The following SPATC1 variants were observed in gnomAD, a reference collection of about 807,000 sequenced individuals.
SPATC1 encodes speriolin.
Under a neutral mutation model 36.5 loss-of-function variants are expected in SPATC1, and 35 were observed. That is an observed-to-expected ratio of 0.96 (90% CI 0.73 to 1.27). The LOEUF is 1.27. Among genes scored for constraint, SPATC1 ranks in the 50% most tolerant of loss-of-function variants. The pLI is 0.00. For synonymous variants in SPATC1, 361 were observed against 353.6 expected (o/e 1.02, Z -0.24); for missense variants, 779 against 796.0 (o/e 0.98, Z 0.26).
At chr8:144,011,766 G>C (rs563132095), upstream of SPATC1, among the ~76,000 whole-genome samples, 1 of 152,194 alleles carries the variant, frequency 6.6e-6, no homozygotes, top group Non-Finnish European at 1.5e-5. The surrounding 1 kb of genome is among the most constrained non-coding windows in gnomAD (Gnocchi z 4.5). Flanking sequence ...AGGCAACGAC[G>C]GGAGATTTGG....
At chr8:144,024,298 T>A (rs1834626641) in intron 1 of SPATC1, among the ~76,000 whole-genome samples, 2 of 143,404 alleles carry the variant, frequency 1.4e-5, no homozygotes, top group African/African-American at 5.3e-5. Context: ...CAAGACCCTC[T>A]TCCCTCATAA....
intron 1 of SPATC1, among the ~76,000 whole-genome samples, chr8:144,014,180 G>A (rs1834334338): frequency 6.6e-6 from 1 of 152,142 alleles, no homozygotes; most frequent in Admixed American, 6.6e-5. Context: ...TGAACTGGGA[G>A]GCAGAGGTTG....
intron 1 of SPATC1, 80 bp from the exon 2 acceptor site, chr8:144,039,829 C>A: frequency 6.9e-7 from 1 of 1,449,264 alleles, no homozygotes; most frequent in Non-Finnish European, 9.5e-7. Flanking sequence ...GGCCCTACCA[C>A]AGTGACAGAG....
At chr8:144,036,161 T>C (rs1834894363) in intron 1 of SPATC1, among the ~76,000 whole-genome samples, 1 of 152,108 alleles carries the variant, frequency 6.6e-6, no homozygotes. Context: ...TATAATCTCA[T>C]CATTTTAGGA....
At chr8:144,028,248 CTA>C (rs1834724619) in intron 1 of SPATC1, among the ~76,000 whole-genome samples, 1 of 152,034 alleles carries the variant, frequency 6.6e-6, no homozygotes, top group Admixed American at 6.5e-5. Context: ...GCAAAAGAAA[CTA>C]TCATCAGAGC....
chr8:144,026,092 C>T (rs1834671493), intron 1 of SPATC1, among the ~76,000 whole-genome samples: 2 of 152,110 alleles, frequency 1.3e-5, no homozygotes, highest in Admixed American at 6.5e-5. Context: ...CACCCCTACC[C>T]TCTCACCACC....
Position 144,023,805 on chromosome 8 carries a change from C to T in SPATC1, c.211+11079C>T, listed in dbSNP as rs1587498329. ...CTCTTCCCTCAGAACCCTCTAGAAC[C>T]CTGTCCCTGTCCCCTCAGGACCTCC... is the stretch of plus-strand genomic sequence containing the variant. On this transcript the variant is annotated intron_variant, in intron 1 of 4. Transcript: ENST00000377470. 4.0e-4 allele frequency among the ~76,000 whole-genome samples: 46 copies of T among 116,374 alleles called. 22 individuals carry two copies. Among genetic ancestry groups the T allele is most frequent in the Admixed American group, 6.8e-4 (8 of 11,696 alleles). The allele number at this position is 116,374 out of a possible 152,430, so 76.3% of individuals were successfully genotyped here. A position where few individuals can be genotyped will look rare whatever the true frequency, so the allele number is the denominator to read the frequency against.
Position 144,046,655 on chromosome 8 carries a change from T to A in SPATC1, c.1475T>A (p.Leu492Gln). The A allele has an allele frequency of 6.2e-7, 1 of 1,611,246 alleles. No homozygotes were observed. Among genetic ancestry groups the A allele is most frequent in the South Asian group, 1.1e-5 (1 of 91,054 alleles). Residue 492 changes from leucine (L) to glutamine (Q), a missense_variant, in exon 5 of 5, where the codon CTG becomes CAG. Leu to Gln is a moderately radical substitution (Grantham distance 113, BLOSUM62 -2). Coordinates refer to ENST00000377470, the MANE Select transcript of SPATC1 (RefSeq NM_198572.3). This position sits in a 1 kb window ranked among gnomAD's most constrained non-coding sequence, Gnocchi z 6.6. ...TCCCTGAACCCCAGTGACCACAAGC[T>A]GGATGAGAAGCTGTGCCAGAGGCTC... ...QASLNPSDHK[L>Q]DEKLCQRLTQ...
At chr8:144,018,189 G>T (rs1158644799) in intron 1 of SPATC1, among the ~76,000 whole-genome samples, 42 of 152,306 alleles carry the variant, frequency 2.8e-4, no homozygotes, top group Admixed American at 7.2e-4. Flanking sequence ...CAAGGTAAAG[G>T]CTGCCAAGAG....
At chr8:144,029,883 A>G (rs1426326309) in intron 1 of SPATC1, among the ~76,000 whole-genome samples, 1 of 152,196 alleles carries the variant, frequency 6.6e-6, no homozygotes, top group Admixed American at 6.5e-5. Flanking sequence ...GGTTCTATCC[A>G]CTACCGAAAG....
At chr8:144,035,250 TC>T (rs1251869323) in intron 1 of SPATC1, among the ~76,000 whole-genome samples, 2 of 152,198 alleles carry the variant, frequency 1.3e-5, no homozygotes, top group Non-Finnish European at 2.9e-5. Context: ...TACTTGGCCT[TC>T]CCTGGAGCCC....
intron 1 of SPATC1, among the ~76,000 whole-genome samples, chr8:144,026,048 C>T (rs1834670112): frequency 6.6e-6 from 1 of 152,090 alleles, no homozygotes; most frequent in African/African-American, 2.4e-5. Context: ...ACTTTCATCA[C>T]CCCAAAAAGA....
At chr8:144,030,778 TC>T (rs1834777789) in intron 1 of SPATC1, among the ~76,000 whole-genome samples, 1 of 152,206 alleles carries the variant, frequency 6.6e-6, no homozygotes, top group Admixed American at 6.5e-5. Context: ...ACTTTTTTTT[TC>T]CTGTACATTT....
intron 1 of SPATC1, among the ~76,000 whole-genome samples, chr8:144,037,426 T>C (rs183549201): frequency 8.0e-4 from 121 of 152,054 alleles, no homozygotes; most frequent in African/African-American, 2.8e-3. Flanking sequence ...GCCGTGTCTG[T>C]GTAGAAAGAG....
At chr8:144,020,167 C>T (rs963718461) in intron 1 of SPATC1, among the ~76,000 whole-genome samples, 97 of 151,382 alleles carry the variant, frequency 6.4e-4, no homozygotes, top group African/African-American at 2.3e-3. Context: ...ACATCCCTCC[C>T]CTCTAAGGAC....
At chr8:144,011,010 T>G (rs1554752464), upstream of SPATC1, among the ~76,000 whole-genome samples, 1 of 152,034 alleles carries the variant, frequency 6.6e-6, no homozygotes, top group African/African-American at 2.4e-5. This position sits in a 1 kb window ranked among gnomAD's most constrained non-coding sequence, Gnocchi z 4.5. Context: ...GTCAACATCT[T>G]GTAGCTATTA....
chr8:144,046,746 T>G lies in SPATC1; in HGVS notation c.1566T>G (p.Pro522=). ...TGGGCTACAACGGGCGGGTGCACCC[T>G]GCGCTGACCGAGCAGCTGGTGAACG... ...QSLGYNGRVH[P]ALTEQLVNAY... Residue 522 remains proline, a synonymous_variant, in exon 5 of 5, where the codon CCT becomes CCG. Coordinates refer to ENST00000377470, the MANE Select transcript of SPATC1 (RefSeq NM_198572.3). The surrounding 1 kb of genome is among the most constrained non-coding windows in gnomAD (Gnocchi z 6.6). The G allele has an allele frequency of 6.2e-7, 1 of 1,612,104 alleles. No individual in the cohort carries two copies. Among genetic ancestry groups the G allele is most frequent in the Non-Finnish European group, 8.5e-7 (1 of 1,180,008 alleles).
upstream of SPATC1, among the ~76,000 whole-genome samples, chr8:144,011,910 C>A (rs1180587341): frequency 6.6e-6 from 1 of 152,174 alleles, no homozygotes; most frequent in Non-Finnish European, 1.5e-5. This position sits in a 1 kb window ranked among gnomAD's most constrained non-coding sequence, Gnocchi z 4.5. Context: ...CAAGACACAG[C>A]AACCAGGAGA....
chr8:144,013,271 T>G (rs1554752701), intron 1 of SPATC1, among the ~76,000 whole-genome samples: 1 of 152,052 alleles, frequency 6.6e-6, no homozygotes, highest in African/African-American at 2.4e-5. Context: ...TCATCTTAAT[T>G]GAGGCTGCTC....
Sources: gnomAD v4.1 joint callset for allele counts (sites outside exome capture counted in the v4.1 genomes callset) on GRCh38, gnomAD v4.1.1 for gene constraint, Gnocchi (gnomAD v3.1) non-coding constraint, MANE v1.5 for transcripts, NCBI Gene and HGNC (gene_info 2026-07-23, HGNC 2026-07-21) for gene names.